The following LARGE1 variants were observed in gnomAD, a reference collection of about 807,000 sequenced individuals.
The protein encoded by LARGE1 is xylosyl- and glucuronyltransferase LARGE1.
In LARGE1, 43 loss-of-function variants were observed where a neutral mutation model predicts 87.6. The ratio of observed to expected loss-of-function variants is 0.49; its 90% CI spans 0.38 to 0.63. LARGE1 has a LOEUF of 0.63. Among genes scored for constraint, LARGE1 ranks in the 30% least tolerant of loss-of-function variants. The pLI is 0.00. For synonymous variants in LARGE1, 434 were observed against 394.6 expected, an observed-to-expected ratio of 1.10 and a Z score of -1.18; for missense variants, 802 against 1,000.2, an observed-to-expected ratio of 0.80 and a Z score of 2.67.
At chr22:33,544,099 A>C (rs2077287236) in intron 6 of LARGE1, among the ~76,000 whole-genome samples, 1 of 152,156 alleles carries the variant, frequency 6.6e-6, no homozygotes, top group Admixed American at 6.5e-5. Context: ...TGTTGTCACA[A>C]CGTATTGTTG....
chr22:33,167,797 A>G (rs145429378), intron 11 of LARGE1, among the ~76,000 whole-genome samples: 1 of 152,304 alleles, frequency 6.6e-6, no homozygotes, highest in African/African-American at 2.4e-5. Context: ...CTTGGAGTAC[A>G]GCAACCTACA....
At chr22:33,671,016 G>A (rs778495150) in intron 2 of LARGE1, among the ~76,000 whole-genome samples, 20 of 152,150 alleles carry the variant, frequency 1.3e-4, no homozygotes, top group Admixed American at 2.0e-4. Flanking sequence ...AGATCAGAGG[G>A]AGTAGAGCTT....
At position 33,586,533 on chromosome 22, in the gene LARGE1, C is replaced by T. The variant is rs553077426; in HGVS notation, c.615+17902G>A. Among the ~76,000 whole-genome samples the T allele has an allele frequency of 1.8e-4, 28 of 151,816 alleles. No homozygotes were observed. In the South Asian group the frequency reaches 5.6e-3, roughly 30 times the overall value. On this transcript the variant is annotated intron_variant, in intron 5 of 14. Coordinates refer to ENST00000397394, the MANE Select transcript of LARGE1 (RefSeq NM_133642.5). ...TGCAGTGGCACGATCTCTCGGCTCA[C>T]GGCAAGCTCCGCCTCCTGGGTTCAC...
rs71313164 is a variant in LARGE1 at position 33,483,809 on chromosome 22, T to C, written c.788-51544A>G. Among the ~76,000 whole-genome samples the C allele has an allele frequency of 5.0e-3, 761 of 152,122 alleles. 6 individuals are homozygous for C. The highest frequency in any genetic ancestry group is 0.02 in the Admixed American group (303 of 15,280). ...TTCTACAGAAACAGGGATGAAAGAATTGGAGATCTGGAAGGAGTGGCATGC... is the reference window on the plus strand; with the variant it reads ...TTCTACAGAAACAGGGATGAAAGAACTGGAGATCTGGAAGGAGTGGCATGC... On this transcript the variant is annotated intron_variant, in intron 6 of 14. Coordinates refer to ENST00000397394, the MANE Select transcript of LARGE1 (RefSeq NM_133642.5).
At chr22:33,143,501 C>T in the LARGE1 span, among the ~76,000 whole-genome samples, 1 of 152,136 alleles carries the variant, frequency 6.6e-6, no homozygotes, top group Non-Finnish European at 1.5e-5. Context: ...AAGCTCTTTC[C>T]ATGAGCGTTG....
intron 1 of LARGE1, among the ~76,000 whole-genome samples, chr22:33,821,290 A>T (rs955024024): frequency 1.3e-5 from 2 of 152,146 alleles, no homozygotes; most frequent in African/African-American, 4.8e-5. Flanking sequence ...AGTTAGAAAA[A>T]AATGGCAGCT....
intron 2 of LARGE1, chr22:33,750,827 T>A (rs1199338438): frequency 1.3e-5 from 2 of 152,196 alleles, no homozygotes; most frequent in Non-Finnish European, 2.9e-5. Flanking sequence ...ATCAGTGCTG[T>A]GATCCACTCT....
At chr22:33,615,671 C>CAA (rs3072281) in intron 4 of LARGE1, among the ~76,000 whole-genome samples, 2 of 134,584 alleles carry the variant, frequency 1.5e-5, no homozygotes, top group South Asian at 2.4e-4. Context: ...TAAGGAAAAA[C>CAA]AAAAAAAAAA....
rs537851355 is a variant in LARGE1 at position 33,201,534 on chromosome 22, A to G, written c.1731-34702T>C. 2.0e-5 allele frequency among the ~76,000 whole-genome samples: 3 copies of G among 152,336 alleles called. No homozygotes were observed. The South Asian group carries it at 6.2e-4, about 32-fold the overall frequency. On this transcript the variant is annotated intron_variant, in intron 11 of 11. Transcript: ENST00000608642. ...TGTAATTTTGAATAGGGTGGTCACA[A>G]TTATTTTCACTGAGAAAAGGACATT... is the stretch of plus-strand genomic sequence containing the variant.
chr22:33,678,685 T>C (rs1473182449), intron 2 of LARGE1, among the ~76,000 whole-genome samples: 1 of 152,156 alleles, frequency 6.6e-6, no homozygotes, highest in Admixed American at 6.5e-5. Context: ...CATTTCTTAA[T>C]GACATTCAGA....
At chr22:33,776,140 G>C in intron 1 of LARGE1, among the ~76,000 whole-genome samples, 1 of 152,168 alleles carries the variant, frequency 6.6e-6, no homozygotes, top group Non-Finnish European at 1.5e-5. Flanking sequence ...TTCCTCCAGA[G>C]TCATCTCCCT....
At chr22:33,546,272 T>A (rs529509330) in intron 6 of LARGE1, among the ~76,000 whole-genome samples, 1 of 152,222 alleles carries the variant, frequency 6.6e-6, no homozygotes, top group Non-Finnish European at 1.5e-5. Context: ...GCAACTGACA[T>A]AGGGAACACA....
At chr22:33,599,607 G>A (rs772455464) in intron 5 of LARGE1, among the ~76,000 whole-genome samples, 5 of 152,128 alleles carry the variant, frequency 3.3e-5, no homozygotes, top group Admixed American at 6.6e-5. Flanking sequence ...AGTCCACTGC[G>A]AATTTCCCAC....
intron 11 of LARGE1, among the ~76,000 whole-genome samples, chr22:33,215,653 G>T (rs1423597324): frequency 6.6e-6 from 1 of 152,120 alleles, no homozygotes; most frequent in Non-Finnish European, 1.5e-5. Context: ...TGAAGTCATA[G>T]AAATATTCCT....
intron 4 of LARGE1, among the ~76,000 whole-genome samples, chr22:33,614,838 C>G (rs2079537669): frequency 1.1e-5 from 1 of 89,494 alleles, no homozygotes; most frequent in Non-Finnish European, 2.1e-5. Flanking sequence ...CACAAAGTAC[C>G]TCCTCTCTTG....
chr22:33,488,790 AT>A (rs1194712055), intron 6 of LARGE1, among the ~76,000 whole-genome samples: 1 of 152,200 alleles, frequency 6.6e-6, no homozygotes, highest in Non-Finnish European at 1.5e-5. Context: ...GCTTTGTAAT[AT>A]TCCAAGATGC....
intron 2 of LARGE1, among the ~76,000 whole-genome samples, chr22:33,697,195 CGTT>C (rs958719928): frequency 1.3e-4 from 20 of 152,078 alleles, no homozygotes; most frequent in African/African-American, 4.8e-4. Context: ...AGGCAGCTGT[CGTT>C]AGAGCTCTGA....
chr22:33,762,935 A>C (rs1333122056), intron 1 of LARGE1, among the ~76,000 whole-genome samples: 1 of 152,142 alleles, frequency 6.6e-6, no homozygotes, highest in Non-Finnish European at 1.5e-5. Context: ...CAGCTATAAA[A>C]AGCTTCAGAT....
At chr22:33,742,896 T>C (rs895424304) in intron 2 of LARGE1, among the ~76,000 whole-genome samples, 2 of 152,090 alleles carry the variant, frequency 1.3e-5, no homozygotes, top group African/African-American at 4.8e-5. Context: ...TGTATCTTTG[T>C]CCCCTCCAAA....
Sources: allele counts gnomAD v4.1 joint callset (sites outside exome capture counted in the v4.1 genomes callset), GRCh38; gene constraint gnomAD v4.1.1; transcripts MANE v1.5; gene names NCBI Gene and HGNC (gene_info 2026-07-23, HGNC 2026-07-21).